The following UNC79 variants were observed in gnomAD, a reference collection of about 807,000 sequenced individuals.
The protein encoded by UNC79 is protein unc-79 homolog.
Under a neutral mutation model 283.1 loss-of-function variants are expected in UNC79, and 37 were observed. The ratio of observed to expected loss-of-function variants is 0.13; its 90% confidence interval spans 0.10 to 0.17. The LOEUF is 0.17. Ranked by LOEUF, UNC79 falls within the 10% of genes least tolerant of loss-of-function variation. The pLI, the probability that UNC79 is intolerant of heterozygous loss-of-function variation, is 1.00. For synonymous variants in UNC79, 1,107 were observed against 1,200.2 expected, an observed-to-expected ratio of 0.92 and a Z score of 1.61; for missense variants, 2,272 against 3,211.1, an observed-to-expected ratio of 0.71 and a Z score of 7.07.
At chr14:93,567,426 C>A (rs762629941) in intron 14 of UNC79, among the ~76,000 whole-genome samples, 2 of 152,114 alleles carry the variant, frequency 1.3e-5, no homozygotes, top group Non-Finnish European at 2.9e-5. Flanking sequence ...GGGGTTTCCC[C>A]ATGTTGGGCA....
At chr14:93,472,711 G>C (rs2057582343) in intron 2 of UNC79, among the ~76,000 whole-genome samples, 1 of 152,046 alleles carries the variant, frequency 6.6e-6, no homozygotes, top group Non-Finnish European at 1.5e-5. Flanking sequence ...AAGCATGCTT[G>C]ACACTAACCA....
chr14:93,645,431 A>G (rs956468641), intron 34 of UNC79, among the ~76,000 whole-genome samples: 1 of 152,218 alleles, frequency 6.6e-6, no homozygotes, highest in Non-Finnish European at 1.5e-5. Flanking sequence ...ATTCTTAGCA[A>G]CCTAAGCCTA....
At chr14:93,661,902 T>G (rs1287033674) in intron 39 of UNC79, among the ~76,000 whole-genome samples, 1 of 152,202 alleles carries the variant, frequency 6.6e-6, no homozygotes, top group African/African-American at 2.4e-5. Context: ...AGTGCTTGTG[T>G]CATTACCTAT....
chr14:93,490,237 C>T (rs12434250), intron 5 of UNC79, among the ~76,000 whole-genome samples: 83,210 of 151,680 alleles, frequency 0.55, 23,116 homozygotes, highest in Admixed American at 0.64. Context: ...TTGGACAATA[C>T]CTCCTGGCTT....
At chr14:93,575,249 C>T (rs1040436569) in intron 17 of UNC79, 51 bp downstream of exon 17, 5 of 1,610,212 alleles carry the variant, frequency 3.1e-6, no homozygotes, top group Admixed American at 3.4e-5. Context: ...TCTTGAAAAC[C>T]CTTGTCAGTT....
chr14:93,547,469 A>T (rs1353691509), intron 14 of UNC79, among the ~76,000 whole-genome samples: 1 of 152,246 alleles, frequency 6.6e-6, no homozygotes, highest in Non-Finnish European at 1.5e-5. Flanking sequence ...GCAAAATATC[A>T]AAAGTTATCA....
intron 14 of UNC79, among the ~76,000 whole-genome samples, chr14:93,551,489 C>T (rs1399413417): frequency 6.6e-6 from 1 of 152,118 alleles, no homozygotes; most frequent in African/African-American, 2.4e-5. Flanking sequence ...TATGGGTCAC[C>T]TGCTGGTCTG....
chr14:93,613,682 G>A (rs2066477716), intron 27 of UNC79, among the ~76,000 whole-genome samples: 1 of 152,130 alleles, frequency 6.6e-6, no homozygotes, highest in African/African-American at 2.4e-5. Flanking sequence ...CCAAAGTGCT[G>A]GGATTACAGG....
chr14:93,540,802 C>T, exon 13 of UNC79: 1 of 1,613,220 alleles, frequency 6.2e-7, no homozygotes, highest in Non-Finnish European at 8.5e-7. Context: ...CGATCAGAGG[C>T]TGCTCAGTCA....
intron 1 of UNC79, among the ~76,000 whole-genome samples, chr14:93,401,655 G>A (rs971412559): frequency 2.6e-5 from 4 of 152,128 alleles, no homozygotes; most frequent in African/African-American, 7.2e-5. Flanking sequence ...CTCCTTCTTG[G>A]GATACCTACA....
At position 93,698,488 on chromosome 14, in the gene UNC79, T is replaced by G. The variant is rs550119005; in HGVS notation, c.7548+4076T>G. Reference sequence around the variant, plus strand: ...TAGTTTAGTTTAGGTTTTTTTTTTTTTTTTTTTTTTTTTTTGAGATCAGGT... The same window carrying G: ...TAGTTTAGTTTAGGTTTTTTTTTTTGTTTTTTTTTTTTTTTGAGATCAGGT... On this transcript the variant is annotated intron_variant, in intron 47 of 48. Transcript: ENST00000555664. Among the ~76,000 whole-genome samples, 17 of 106,442 alleles carry G rather than the reference T, an allele frequency of 1.6e-4. No individual in the cohort carries two copies. The East Asian group carries it at 2.5e-3, about 16-fold the overall frequency. 69.8% of individuals were successfully genotyped at this position (106,442 alleles called of 152,430 possible). A position where few individuals can be genotyped will look rare whatever the true frequency, so the allele number is the denominator to read the frequency against.
intron 5 of UNC79, among the ~76,000 whole-genome samples, chr14:93,489,104 G>A (rs1397896635): frequency 6.6e-6 from 1 of 152,038 alleles, no homozygotes. Flanking sequence ...ACCACATCTG[G>A]CTAATTTTTA....
chr14:93,639,124 T>G (rs2068784464), intron 32 of UNC79, among the ~76,000 whole-genome samples: 1 of 152,236 alleles, frequency 6.6e-6, no homozygotes, highest in Non-Finnish European at 1.5e-5. Flanking sequence ...TTTTCTTGAC[T>G]TTAATTGTGA....
chr14:93,539,103 A>G (rs535237714), intron 12 of UNC79, among the ~76,000 whole-genome samples: 1 of 149,134 alleles, frequency 6.7e-6, no homozygotes, highest in South Asian at 2.2e-4. Flanking sequence ...GGGTTTCACC[A>G]TGCTGGCCAG....
Position 93,510,740 on chromosome 14 carries a change from A to G in UNC79, c.899-13238A>G, listed in dbSNP as rs923979038. Among the ~76,000 whole-genome samples the G allele has an allele frequency of 2.0e-5, 3 of 152,234 alleles. No homozygotes were observed. The East Asian group carries it at 5.8e-4, about 29-fold the overall frequency. On this transcript the variant is annotated intron_variant, in intron 7 of 48. Transcript: ENST00000555664. ...CCATATCACTATCAGCATCTTGGTC[A>G]CAACAATTTAACAAGTCTCTAGGAA...
In UNC79 at chr14:93,465,482, G is replaced by A. The variant is rs187748436; in HGVS notation, c.23-2189G>A. ...TAAGTACACAGAGACAATGCAATAT[G>A]ACTTTTGTAACATTACAAGATCTCA... On this transcript the variant is annotated intron_variant, in intron 1 of 48. Coordinates refer to ENST00000555664, the Ensembl canonical transcript of UNC79. Among the ~76,000 whole-genome samples, 552 of 152,210 alleles carry A rather than the reference G, an allele frequency of 3.6e-3. 5 individuals carry two copies. The highest frequency in any genetic ancestry group is 0.013 in the African/African-American group (531 of 41,546).
chr14:93,621,415 T>A lies in UNC79; in HGVS notation c.4388-206T>A, dbSNP rs2067121550. On this transcript the variant is annotated intron_variant, in intron 29 of 48. Coordinates refer to ENST00000555664, the Ensembl canonical transcript of UNC79. This position sits in a 1 kb window ranked among gnomAD's most constrained non-coding sequence, Gnocchi z 4.8. ...CGATTTTGGAAATCAGATCTTAAAC[T>A]GCCATTTTGGTTTCTTTCATTCGTA... Among the ~76,000 whole-genome samples, 1 of 152,218 alleles carries A rather than the reference T, an allele frequency of 6.6e-6. No individual in the cohort carries two copies. The highest frequency in any genetic ancestry group is 6.5e-5 in the Admixed American group (1 of 15,282).
intron 1 of UNC79, among the ~76,000 whole-genome samples, chr14:93,448,171 CTT>C (rs57584416): frequency 8.4e-5 from 11 of 131,088 alleles, no homozygotes; most frequent in Non-Finnish European, 1.0e-4. Context: ...AGACTCGGTT[CTT>C]TTTTTTTTTT....
chr14:93,452,013 C>A (rs938100079), intron 1 of UNC79, among the ~76,000 whole-genome samples: 3 of 152,110 alleles, frequency 2.0e-5, no homozygotes, highest in Non-Finnish European at 4.4e-5. Context: ...AGATGATTGT[C>A]TTCACTTTGC....
Sources: gnomAD v4.1 joint callset for allele counts (sites outside exome capture counted in the v4.1 genomes callset) on GRCh38, gnomAD v4.1.1 for gene constraint, Gnocchi (gnomAD v3.1) non-coding constraint, MANE v1.5 for transcripts, NCBI Gene and HGNC (gene_info 2026-07-23, HGNC 2026-07-21) for gene names.